Variants in CFAP90 observed in about 807,000 individuals in gnomAD.
CFAP90 encodes cilia- and flagella-associated protein 90.
the CFAP90 span, chr5:7,850,900 T>C: frequency 7.4e-7 from 1 of 1,356,376 alleles, no homozygotes; most frequent in Non-Finnish European, 9.5e-7. Context: ...GTAGTAGCTG[T>C]GCTCTTTGGG....
the CFAP90 span, chr5:7,851,030 C>A: frequency 8.0e-7 from 1 of 1,244,848 alleles, no homozygotes; most frequent in South Asian, 3.6e-5. Flanking sequence ...ATGCCGCCAC[C>A]GTCCAGCGCC....
the CFAP90 span, among the ~76,000 whole-genome samples, chr5:7,847,895 C>T: frequency 6.6e-6 from 1 of 152,126 alleles, no homozygotes; most frequent in Non-Finnish European, 1.5e-5. Flanking sequence ...TTCCTGGTGC[C>T]CCCATCTTAT....
At chr5:7,839,108 G>A in the CFAP90 span, among the ~76,000 whole-genome samples, 1 of 152,196 alleles carries the variant, frequency 6.6e-6, no homozygotes, top group South Asian at 2.1e-4. Context: ...AGCTTGTGCA[G>A]GGAACTCCCC....
At chr5:7,832,851 G>C in the CFAP90 span, among the ~76,000 whole-genome samples, 1 of 152,118 alleles carries the variant, frequency 6.6e-6, no homozygotes, top group African/African-American at 2.4e-5. Context: ...GCTTTTTTCT[G>C]AAAAACTACC....
the CFAP90 span, among the ~76,000 whole-genome samples, chr5:7,834,024 T>C: frequency 6.6e-6 from 1 of 152,234 alleles, no homozygotes; most frequent in Non-Finnish European, 1.5e-5. Context: ...ATGTATTTAT[T>C]ATATTTTTTA....
At chr5:7,850,807 G>C in the CFAP90 span, 1 of 783,906 alleles carries the variant, frequency 1.3e-6, no homozygotes, top group Non-Finnish European at 1.6e-6. Context: ...CAGCCGCCCA[G>C]CCGCCCAGCC....
the CFAP90 span, among the ~76,000 whole-genome samples, chr5:7,833,719 C>G: frequency 7.9e-5 from 12 of 152,118 alleles, no homozygotes; most frequent in Non-Finnish European, 1.5e-4. Flanking sequence ...ACATTTTACT[C>G]AATGATGGAT....
the CFAP90 span, among the ~76,000 whole-genome samples, chr5:7,835,755 C>T: frequency 6.6e-6 from 1 of 152,192 alleles, no homozygotes; most frequent in Non-Finnish European, 1.5e-5. Flanking sequence ...TCTCAACTTT[C>T]TCCTCCCTTG....
chr5:7,836,100 C>A, the CFAP90 span, among the ~76,000 whole-genome samples: 2 of 152,182 alleles, frequency 1.3e-5, no homozygotes, highest in African/African-American at 4.8e-5. Flanking sequence ...ACTCTACCCT[C>A]AGGCCTAATC....
the CFAP90 span, chr5:7,832,095 T>C: frequency 9.4e-3 from 14,105 of 1,502,400 alleles, 492 homozygotes; most frequent in African/African-American, 0.11. Context: ...CACCCGTGCA[T>C]CCATCAGCCT....
chr5:7,849,821 C>CA, the CFAP90 span, among the ~76,000 whole-genome samples: 76,757 of 151,734 alleles, frequency 0.51, 19,878 homozygotes, highest in Admixed American at 0.59. Flanking sequence ...TGCAGGAGGG[C>CA]AGAGGGTTTC....
chr5:7,844,253 A>G, the CFAP90 span, among the ~76,000 whole-genome samples: 1 of 152,238 alleles, frequency 6.6e-6, no homozygotes, highest in Admixed American at 6.5e-5. Context: ...AGAAGAAACT[A>G]TAGCCCACTG....
the CFAP90 span, among the ~76,000 whole-genome samples, chr5:7,848,651 A>T: frequency 6.6e-6 from 1 of 152,116 alleles, no homozygotes; most frequent in Non-Finnish European, 1.5e-5. Context: ...CCCTACCCAA[A>T]TCTCATCTTG....
the CFAP90 span, among the ~76,000 whole-genome samples, chr5:7,838,461 G>A: frequency 3.9e-5 from 6 of 152,172 alleles, no homozygotes; most frequent in African/African-American, 9.6e-5. Flanking sequence ...GGGATGGGCC[G>A]CCCAGTAACA....
the CFAP90 span, chr5:7,830,528 A>G: frequency 6.6e-6 from 1 of 152,232 alleles, no homozygotes; most frequent in African/African-American, 2.4e-5. Flanking sequence ...TAATGCACCC[A>G]AAGGCATTCG....
chr5:7,844,992 T>C, the CFAP90 span, among the ~76,000 whole-genome samples: 56 of 152,174 alleles, frequency 3.7e-4, no homozygotes, highest in African/African-American at 1.2e-3. Context: ...GGGTAATTTA[T>C]AAAGAAAAAA....
At chr5:7,838,371 C>A in the CFAP90 span, among the ~76,000 whole-genome samples, 1 of 152,184 alleles carries the variant, frequency 6.6e-6, no homozygotes, top group Non-Finnish European at 1.5e-5. Context: ...ATCTCGATAT[C>A]TTTAATATCC....
At chr5:7,835,979 G>T in the CFAP90 span, among the ~76,000 whole-genome samples, 2 of 152,142 alleles carry the variant, frequency 1.3e-5, no homozygotes, top group Non-Finnish European at 2.9e-5. Context: ...TCAGGTGAGG[G>T]CTCAATTTAT....
the CFAP90 span, among the ~76,000 whole-genome samples, chr5:7,833,477 T>TGC: frequency 7.1e-6 from 1 of 140,830 alleles, no homozygotes; most frequent in Non-Finnish European, 1.5e-5. Context: ...CACACACATA[T>TGC]ACACACATAT....
Sources: gnomAD v4.1 joint callset for allele counts (sites outside exome capture counted in the v4.1 genomes callset) on GRCh38, gnomAD v4.1.1 for gene constraint, MANE v1.5 for transcripts, NCBI Gene and HGNC (gene_info 2026-07-23, HGNC 2026-07-21) for gene names.